Variants in HMGXB3 observed in about 807,000 individuals in gnomAD.
HMGXB3 encodes HMG domain-containing protein 3.
HMGXB3 carries 45 observed loss-of-function variants against 121.5 expected under a neutral mutation model. The ratio of observed to expected loss-of-function variants is 0.37; its 90% CI spans 0.29 to 0.47. The LOEUF is 0.47. HMGXB3 is among the 20% of genes least tolerant of loss of function. The pLI, the probability that HMGXB3 is intolerant of heterozygous loss-of-function variation, is 0.99. For synonymous variants in HMGXB3, 590 were observed against 624.1 expected, an observed-to-expected ratio of 0.95 and a Z score of 0.81; for missense variants, 1,376 against 1,602.2, an observed-to-expected ratio of 0.86 and a Z score of 2.41.
In HMGXB3 at chr5:150,046,891, CT is replaced by C. The variant is rs113488618; in HGVS notation, c.2951-721del. On this transcript the variant is annotated intron_variant, in intron 16 of 19. Coordinates refer to ENST00000502717, the MANE Select transcript of HMGXB3 (RefSeq NM_014983.3). ...GCTAATATTTTAAGGGCCCAGGCAT[CT>C]TTTTTTTTTTTGAGACGGAGTCCTG... Among the ~76,000 whole-genome samples, 620 of 143,026 alleles carry C rather than the reference CT, an allele frequency of 4.3e-3. 2 individuals are homozygous for C. The highest frequency in any genetic ancestry group is 0.011 in the African/African-American group (432 of 39,178). 93.8% of individuals were successfully genotyped at this position (143,026 alleles called of 152,430 possible).
At chr5:150,040,396 T>C (rs1756601871) in intron 13 of HMGXB3, among the ~76,000 whole-genome samples, 1 of 152,166 alleles carries the variant, frequency 6.6e-6, no homozygotes. Context: ...TTTCAAGATA[T>C]ATAACTTGAA....
chr5:150,040,755 T>TA lies in HMGXB3; in HGVS notation c.2423dup (p.Asn808LysfsTer65). 1 of 1,551,412 alleles carries TA rather than the reference T, an allele frequency of 6.4e-7. No individual in the cohort carries two copies. Among genetic ancestry groups the TA allele is most frequent in the South Asian group, 1.2e-5 (1 of 83,886 alleles). On this transcript the variant is annotated frameshift_variant, in exon 14 of 20. Coordinates refer to ENST00000502717, the MANE Select transcript of HMGXB3 (RefSeq NM_014983.3). LOFTEE classifies it high-confidence loss of function. Reference sequence around the variant, plus strand: ...CCTCTTCTTAACCTGCAGGTCTCTTTAATGTGGGGAACAAGCTGCTGGTAA... The same window carrying TA: ...CCTCTTCTTAACCTGCAGGTCTCTTTAAATGTGGGGAACAAGCTGCTGGTAA...
intron 6 of HMGXB3, among the ~76,000 whole-genome samples, chr5:150,021,033 A>G (rs1203657211): frequency 6.6e-6 from 1 of 152,148 alleles, no homozygotes; most frequent in African/African-American, 2.4e-5. Context: ...CATGGTGCCC[A>G]GCCTGAAAAA....
intron 6 of HMGXB3, among the ~76,000 whole-genome samples, chr5:150,022,754 T>C (rs150716038): frequency 9.0e-4 from 137 of 152,154 alleles, no homozygotes; most frequent in African/African-American, 3.1e-3. Context: ...TTAGGGGCTA[T>C]TATGTGTTAG....
At chr5:150,025,223 T>C (rs562116590) in intron 7 of HMGXB3, among the ~76,000 whole-genome samples, 1 of 152,346 alleles carries the variant, frequency 6.6e-6, no homozygotes, top group Admixed American at 6.5e-5. Context: ...TGCAACCAAG[T>C]ACCTTGCAAG....
chr5:150,036,761 G>A lies in HMGXB3; in HGVS notation c.2109G>A (p.Glu703=). ...LRKVLQIPEN[E]SELAEVFALI... ...AAGTCCTGCAGATTCCTGAGAATGA[G>A]TCAGAGCTGGCTGAGGTCTTCGCCT... The change falls in exon 12 of 20, where the codon GAG becomes GAA. Residue 703 remains glutamate (E), a synonymous_variant. Transcript: ENST00000502717. 1 of 1,551,756 alleles carries A rather than the reference G, an allele frequency of 6.4e-7. No individual in the cohort carries two copies. Among genetic ancestry groups the A allele is most frequent in the South Asian group, 1.2e-5 (1 of 84,064 alleles).
Position 150,048,602 on chromosome 5 carries a change from G to A in HMGXB3, c.3118G>A (p.Glu1040Lys), listed in dbSNP as rs1226903639. ...QLCFSLLALY[E>K]SVQNGARAIR... ...CTGCTTCTCCTTGTTGGCCCTCTACGAATCTGTACAGAATGGAGCTAGAGC... is the reference window on the plus strand; with the variant it reads ...CTGCTTCTCCTTGTTGGCCCTCTACAAATCTGTACAGAATGGAGCTAGAGC... Residue 1040 changes from glutamate to lysine, a missense_variant, in exon 18 of 20, where the codon GAA becomes AAA. Glu to Lys is a moderately conservative substitution (Grantham distance 56). Coordinates refer to ENST00000502717, the MANE Select transcript of HMGXB3 (RefSeq NM_014983.3). The A allele has an allele frequency of 9.7e-6, 15 of 1,551,938 alleles. No homozygotes were observed. The highest frequency in any genetic ancestry group is 2.0e-5 in the Admixed American group (1 of 50,948).
In HMGXB3 at chr5:150,030,819, T is replaced by C; in HGVS notation, c.1813T>C (p.Tyr605His). Residue 605 changes from tyrosine (Y) to histidine (H), a missense_variant, in exon 10 of 20, where the codon TAC becomes CAC. Around this residue, in one of 2 missense-constraint regions of HMGXB3, gnomAD observed 1,116 missense variants for 1,369.0 expected, o/e 0.82. Coordinates refer to ENST00000502717, the MANE Select transcript of HMGXB3 (RefSeq NM_014983.3). ...GCCCGATATGTTTCCTCCATATAAGTACAGCTGCACTGTCACATTGGTAAG... is the reference window on the plus strand; with the variant it reads ...GCCCGATATGTTTCCTCCATATAAGCACAGCTGCACTGTCACATTGGTAAG... ...VKPDMFPPYKYSCTVTLDLGL... is the reference protein window; with the variant it reads ...VKPDMFPPYKHSCTVTLDLGL... The C allele has an allele frequency of 6.4e-7, 1 of 1,551,880 alleles. No individual in the cohort carries two copies. The highest frequency in any genetic ancestry group is 8.7e-7 in the Non-Finnish European group (1 of 1,146,820).
intron 12 of HMGXB3, 33 bp from the exon 13 acceptor site, chr5:150,037,367 C>CTT: frequency 2.1e-6 from 3 of 1,462,274 alleles, no homozygotes; most frequent in African/African-American, 1.4e-5. Flanking sequence ...TCTTTCCCTT[C>CTT]TTTTTTTTTG....
intron 6 of HMGXB3, among the ~76,000 whole-genome samples, chr5:150,020,365 G>C (rs1364918194): frequency 1.3e-5 from 2 of 152,234 alleles, no homozygotes; most frequent in Non-Finnish European, 2.9e-5. Flanking sequence ...TCTAACTGCA[G>C]TGGGGAGATT....
In HMGXB3 at chr5:150,051,306, C is replaced by T. The variant is rs149926507; in HGVS notation, c.3412-419C>T. On this transcript the variant is annotated intron_variant, in intron 19 of 19. Transcript: ENST00000502717. ...GGGAAGAATAACAAAGGTTGAGTGCCCCAGCCAGGATGCATTATAGGAAGT... is the reference window on the plus strand; with the variant it reads ...GGGAAGAATAACAAAGGTTGAGTGCTCCAGCCAGGATGCATTATAGGAAGT... Among the ~76,000 whole-genome samples the T allele has an allele frequency of 3.8e-3, 584 of 152,298 alleles. 3 individuals carry two copies. Among genetic ancestry groups the T allele is most frequent in the Non-Finnish European group, 6.2e-3 (422 of 68,032 alleles).
At chr5:150,038,985 GGTAA>G (rs1168685462) in intron 13 of HMGXB3, among the ~76,000 whole-genome samples, 3 of 152,176 alleles carry the variant, frequency 2.0e-5, no homozygotes, top group African/African-American at 4.8e-5. Flanking sequence ...TGGGTCATGT[GGTAA>G]GTGTGTGTTT....
chr5:150,025,600 CTT>C (rs1402448515), intron 7 of HMGXB3, among the ~76,000 whole-genome samples: 1 of 151,386 alleles, frequency 6.6e-6, no homozygotes, highest in Non-Finnish European at 1.5e-5. Flanking sequence ...CAGGATCTCT[CTT>C]TGTCATTCAG....
At chr5:150,021,776 C>G (rs1267292077) in intron 6 of HMGXB3, 2 of 507,310 alleles carry the variant, frequency 3.9e-6, no homozygotes, top group East Asian at 1.1e-4. Flanking sequence ...GATCCTTTCA[C>G]TGAGATTCTT....
Position 150,040,844 on chromosome 5 carries a change from T to A in HMGXB3, c.2510T>A (p.Ile837Asn). The A allele has an allele frequency of 6.4e-7, 1 of 1,551,314 alleles. No homozygotes were observed. The highest frequency in any genetic ancestry group is 8.7e-7 in the Non-Finnish European group (1 of 1,146,836). Residue 837 changes from isoleucine to asparagine, a missense_variant, in exon 14 of 20, where the codon ATC (isoleucine) becomes AAC (asparagine). Transcript: ENST00000502717. ...IKLGEDPRVSINVVLKSVQEQ... is the reference protein window; with the variant it reads ...IKLGEDPRVSNNVVLKSVQEQ... The stretch of plus-strand genomic sequence containing the variant: ...CTCGGAGAGGACCCCAGAGTGTCCA[T>A]CAATGTTGTTCTGAAGTCGGTGCAG...
In HMGXB3 at chr5:150,024,797, T is replaced by G. The variant is rs1756187324; in HGVS notation, c.1460+117T>G. On this transcript the variant is annotated intron_variant, in intron 7 of 19. Transcript: ENST00000502717. ...AGAGACCAGGCAATGGTTCCTGTTT[T>G]AGAGATACAGAAACCAAGGCCTAGA... 4.5e-6 allele frequency: 4 copies of G among 884,312 alleles called. No individual in the cohort carries two copies. The African/African-American group carries it at 6.8e-5, about 15-fold the overall frequency. 54.8% of individuals were successfully genotyped at this position (884,312 alleles called of 1,614,324 possible).
At chr5:150,015,018 GA>G (rs752420053) in intron 5 of HMGXB3, 7 of 591,960 alleles carry the variant, frequency 1.2e-5, no homozygotes. Context: ...AACCACCAAT[GA>G]TTGCCCCTTT....
chr5:150,006,711 C>T, intron 3 of HMGXB3, 64 bp downstream of exon 3: 1 of 1,370,984 alleles, frequency 7.3e-7, no homozygotes, highest in South Asian at 1.3e-5. Flanking sequence ...TTGGGAAAAC[C>T]AAGCCCCTTG....
intron 4 of HMGXB3, among the ~76,000 whole-genome samples, chr5:150,011,043 T>G (rs1041243657): frequency 6.6e-6 from 1 of 152,222 alleles, no homozygotes; most frequent in Non-Finnish European, 1.5e-5. Context: ...TCCTCCTGCC[T>G]CAGCCTCCCA....
Sources: allele counts gnomAD v4.1 joint callset (sites outside exome capture counted in the v4.1 genomes callset), GRCh38; gene constraint gnomAD v4.1.1; regional missense constraint gnomAD v4.1.1; transcripts MANE v1.5; gene names NCBI Gene and HGNC (gene_info 2026-07-23, HGNC 2026-07-21).